GALNS: variants seen among roughly 807,000 people sequenced by gnomAD.
GALNS encodes the protein N-acetylgalactosamine-6-sulfatase.
A neutral mutation model predicts 65.9 loss-of-function variants in GALNS; 65 were observed. The observed-to-expected ratio is 0.99, with a 90% CI of 0.81 to 1.21. The LOEUF is 1.21. Ranked by LOEUF, GALNS falls within the 50% of genes most tolerant of loss-of-function variation. GALNS has a pLI of 0.00. For synonymous variants in GALNS, 346 were observed against 288.9 expected, an observed-to-expected ratio of 1.20 and a Z score of -2.00; for missense variants, 776 against 700.7, an observed-to-expected ratio of 1.11 and a Z score of -1.21.
At chr16:88,820,534 G>T (rs2142990997) in intron 12 of GALNS, among the ~76,000 whole-genome samples, 1 of 152,354 alleles carries the variant, frequency 6.6e-6, no homozygotes, top group Non-Finnish European at 1.5e-5. Flanking sequence ...TGACCTCAGG[G>T]ACAGTGGTTC....
At position 88,835,758 on chromosome 16, in the gene GALNS, G is replaced by A; in HGVS notation, c.725C>T (p.Ser242Phe). 1 of 1,614,152 alleles carries A rather than the reference G, an allele frequency of 6.2e-7. No individual in the cohort carries two copies. Among genetic ancestry groups the A allele is most frequent in the Non-Finnish European group, 8.5e-7 (1 of 1,180,028 alleles). ...CTGACTGGTGCCCAAGAAGGGTTTG[G>A]AGGCATAGACGGGTGCGTGCGTGGC... ...VDATHAPVYA[S>F]KPFLGTSQRG... is the part of the protein sequence containing the mutation. Residue 242 changes from serine to phenylalanine, a missense_variant, in exon 7 of 14, where the codon TCC becomes TTC. Transcript: ENST00000268695.
chr16:88,822,977 G>A (rs1451074184), intron 11 of GALNS, among the ~76,000 whole-genome samples: 1 of 152,208 alleles, frequency 6.6e-6, no homozygotes, highest in African/African-American at 2.4e-5. Flanking sequence ...GAAGCCACCC[G>A]CTCTGGGCCC....
At chr16:88,831,752 A>G (rs868365777) in intron 9 of GALNS, among the ~76,000 whole-genome samples, 3 of 53,416 alleles carry the variant, frequency 5.6e-5, no homozygotes, top group African/African-American at 2.8e-4. Context: ...TGGGGAGGAG[A>G]GCGGTGAGGC....
At chr16:88,842,302 C>T (rs1176067440) in intron 2 of GALNS, 3 of 522,994 alleles carry the variant, frequency 5.7e-6, no homozygotes, top group Non-Finnish European at 1.0e-5. Context: ...GCCCTGCCTT[C>T]TCCTCTTCCT....
chr16:88,818,179 G>C, intron 12 of GALNS, 55 bp from the exon 13 acceptor site: 1 of 1,419,522 alleles, frequency 7.0e-7, no homozygotes, highest in Non-Finnish European at 9.7e-7. Context: ...AGGACGGAGA[G>C]GGGCTGGCCT....
At chr16:88,840,045 G>A (rs559596628) in intron 4 of GALNS, among the ~76,000 whole-genome samples, 4 of 152,366 alleles carry the variant, frequency 2.6e-5, no homozygotes, top group Non-Finnish European at 4.4e-5. Context: ...TGCAGGCTGC[G>A]TGGGGCCCAA....
At chr16:88,856,512 AC>A (rs1967898385) in intron 1 of GALNS, 1 of 697,112 alleles carries the variant, frequency 1.4e-6, no homozygotes, top group Non-Finnish European at 2.6e-6. Flanking sequence ...GTGATCGGTG[AC>A]CGCCGAGACC....
In GALNS at chr16:88,818,094, G is replaced by A. The variant is rs2142982662; in HGVS notation, c.1395C>T (p.Leu465=). The A allele has an allele frequency of 6.4e-7, 1 of 1,573,792 alleles. No homozygotes were observed. The highest frequency in any genetic ancestry group is 1.7e-4 in the Middle Eastern group (1 of 6,004). The change falls in exon 13 of 14, where the codon CTC becomes CTT. Residue 465 remains leucine, a synonymous_variant. Transcript: ENST00000268695. ...SFASAEYQEA[L]SRITSVVQQH... is the part of the protein sequence containing the mutation. The stretch of plus-strand genomic sequence containing the variant: ...GCTGGACGACCGAGGTGATCCTGCT[G>A]AGGGCCTCCTGGTACTCGGCGCTGG...
At position 88,855,504 on chromosome 16, in the gene GALNS, G is replaced by A. The variant is rs1019488506; in HGVS notation, c.120+1254C>T. On this transcript the variant is annotated intron_variant, in intron 1 of 13. Transcript: ENST00000268695. ...CACGGACCCCTGGGCGCTGGAGAGC[G>A]TGCTCTGGAAAGCAGTCACTGCACA... The A allele has an allele frequency of 2.0e-5, 14 of 702,640 alleles. 1 individual carries two copies. The highest frequency in any genetic ancestry group is 1.0e-4 in the African/African-American group (6 of 57,258). The allele number at this position is 702,640 out of a possible 1,614,324, so 43.5% of individuals were successfully genotyped here.
chr16:88,815,795 G>A (rs1350218809), intron 13 of GALNS: 1 of 985,342 alleles, frequency 1.0e-6, no homozygotes, highest in Admixed American at 6.1e-5. Flanking sequence ...GTGGGTTTGG[G>A]TGAGGAAGCT....
At chr16:88,832,621 C>T (rs746255934) in intron 8 of GALNS, among the ~76,000 whole-genome samples, 3 of 152,216 alleles carry the variant, frequency 2.0e-5, no homozygotes, top group Non-Finnish European at 2.9e-5. Context: ...AAGGCCATCT[C>T]AGGTGACTAC....
intron 5 of GALNS, 42 bp from the exon 6 acceptor site, chr16:88,836,309 C>G (rs772502723): frequency 6.7e-7 from 1 of 1,501,204 alleles, no homozygotes; most frequent in South Asian, 1.1e-5. Context: ...GAATTTAGGC[C>G]AAGAAAGTCC....
chr16:88,835,359 G>A lies in GALNS; in HGVS notation c.759-7C>T, dbSNP rs1345100131. The A allele has an allele frequency of 6.2e-7, 1 of 1,613,524 alleles. No individual in the cohort carries two copies. The highest frequency in any genetic ancestry group is 2.2e-5 in the East Asian group (1 of 44,884). Reference sequence around the variant, plus strand: ...CCGGACGGCGTCTCCATACCTGCAGGATGGTGACAAAAGGCATCTCCATAC... The same window carrying A: ...CCGGACGGCGTCTCCATACCTGCAGAATGGTGACAAAAGGCATCTCCATAC... On this transcript the variant is annotated splice_region_variant and splice_polypyrimidine_tract_variant and intron_variant, in intron 7 of 13. Coordinates refer to ENST00000268695, the MANE Select transcript of GALNS (RefSeq NM_000512.5).
intron 1 of GALNS, among the ~76,000 whole-genome samples, chr16:88,847,824 G>A (rs1033082217): frequency 3.9e-5 from 6 of 152,206 alleles, no homozygotes; most frequent in Admixed American, 6.5e-5. Flanking sequence ...TGGCCACGCC[G>A]CCCGGCAGCG....
chr16:88,818,206 C>A, intron 12 of GALNS, 82 bp from the exon 13 acceptor site: 1 of 1,124,792 alleles, frequency 8.9e-7, no homozygotes, highest in Non-Finnish European at 1.3e-6. Flanking sequence ...GCTGAGGCTG[C>A]AGAGCTCTAA....
At chr16:88,852,853 G>A (rs1967571483) in intron 1 of GALNS, among the ~76,000 whole-genome samples, 1 of 152,208 alleles carries the variant, frequency 6.6e-6, no homozygotes, top group Non-Finnish European at 1.5e-5. Flanking sequence ...TACTCAGGAG[G>A]CTGAGGCAGG....
At chr16:88,836,895 T>C (rs1057365616) in intron 5 of GALNS, among the ~76,000 whole-genome samples, 1 of 152,160 alleles carries the variant, frequency 6.6e-6, no homozygotes, top group Non-Finnish European at 1.5e-5. Context: ...GCTCAGGCCA[T>C]GGGGCTCGTT....
At chr16:88,839,519 G>A (rs1031723806) in intron 4 of GALNS, among the ~76,000 whole-genome samples, 4 of 152,260 alleles carry the variant, frequency 2.6e-5, no homozygotes, top group Non-Finnish European at 4.4e-5. Flanking sequence ...GCACACCCGC[G>A]TGGCTTCATG....
chr16:88,835,134 G>A (rs891500171), intron 8 of GALNS, 79 bp downstream of exon 8: 130 of 1,533,950 alleles, frequency 8.5e-5, no homozygotes, highest in Non-Finnish European at 1.1e-4. Context: ...CACAGACCCC[G>A]TGGGCACAGC....
Sources: allele counts gnomAD v4.1 joint callset (sites outside exome capture counted in the v4.1 genomes callset), GRCh38; gene constraint gnomAD v4.1.1; transcripts MANE v1.5; gene names NCBI Gene and HGNC (gene_info 2026-07-23, HGNC 2026-07-21).